The following MCTP1 variants were observed in gnomAD, a reference collection of about 807,000 sequenced individuals.
MCTP1 encodes the protein multiple C2 and transmembrane domain containing 1, also known as multiple C2 and transmembrane domain-containing protein 1.
A neutral mutation model predicts 120.6 loss-of-function variants in MCTP1; 69 were observed. That is an observed-to-expected ratio of 0.57 (90% CI 0.47 to 0.70). The LOEUF is 0.70. MCTP1 is among the 30% of genes least tolerant of loss of function. The pLI, the probability that MCTP1 is intolerant of heterozygous loss-of-function variation, is 0.00. For missense variants in MCTP1, 1,203 were observed against 1,248.8 expected, an observed-to-expected ratio of 0.96 and a Z score of 0.55; for synonymous variants, 529 against 493.1, an observed-to-expected ratio of 1.07 and a Z score of -0.96.
At chr5:95,114,562 C>T (rs1757682810) in intron 1 of MCTP1, among the ~76,000 whole-genome samples, 2 of 152,228 alleles carry the variant, frequency 1.3e-5, no homozygotes, top group South Asian at 4.1e-4. Context: ...GGTGAGGCTC[C>T]TCTGCCTGTG....
chr5:95,069,705 T>TC (rs1751633175), intron 1 of MCTP1, among the ~76,000 whole-genome samples: 1 of 150,818 alleles, frequency 6.6e-6, no homozygotes, highest in Non-Finnish European at 1.5e-5. Flanking sequence ...CTGCCCTTTT[T>TC]TTTTTTTTTT....
chr5:94,803,816 A>G (rs1330048016), intron 17 of MCTP1, among the ~76,000 whole-genome samples: 1 of 152,220 alleles, frequency 6.6e-6, no homozygotes, highest in Non-Finnish European at 1.5e-5. Context: ...GACTGAGTAC[A>G]GTGATGACCC....
chr5:95,256,687 C>G (rs1243292932), intron 1 of MCTP1, among the ~76,000 whole-genome samples: 1 of 152,126 alleles, frequency 6.6e-6, no homozygotes, highest in Non-Finnish European at 1.5e-5. Flanking sequence ...GTTTTTCTGA[C>G]TAGACTCTGC....
rs1345233519 is a variant in MCTP1 at position 94,947,148 on chromosome 5, C to T, written c.982-4721G>A. Among the ~76,000 whole-genome samples, 6 of 152,124 alleles carry T rather than the reference C, an allele frequency of 3.9e-5. No homozygotes were observed. In the South Asian group the frequency reaches 1.0e-3, roughly 26 times the overall value. On this transcript the variant is annotated intron_variant, in intron 3 of 22. Transcript: ENST00000515393. Reference sequence around the variant, plus strand: ...GTCTACAAACTGAAAATAGCTCTATCTCCTCCCTGTGATACCGTACTCTGA... The same window carrying T: ...GTCTACAAACTGAAAATAGCTCTATTTCCTCCCTGTGATACCGTACTCTGA...
intron 19 of MCTP1, among the ~76,000 whole-genome samples, chr5:94,737,454 C>A (rs1476800202): frequency 6.6e-6 from 1 of 152,098 alleles, no homozygotes; most frequent in African/African-American, 2.4e-5. Context: ...ACCAAAAATT[C>A]TTGTCACTGT....
Position 94,715,481 on chromosome 5 carries a change from G to A in MCTP1, c.2611-595C>T, listed in dbSNP as rs1017081558. Among the ~76,000 whole-genome samples, 6 of 150,986 alleles carry A rather than the reference G, an allele frequency of 4.0e-5. 1 individual carries two copies. Among genetic ancestry groups the A allele is most frequent in the African/African-American group, 1.5e-4 (6 of 40,988 alleles). ...CCACCTTCTTAAAAATAATAGTCTA[G>A]TCATATATTTTATACGGTAGTATAT... On this transcript the variant is annotated intron_variant, in intron 19 of 22. Transcript: ENST00000515393.
chr5:94,837,376 G>A (rs1204450080), intron 17 of MCTP1, among the ~76,000 whole-genome samples: 1 of 152,096 alleles, frequency 6.6e-6, no homozygotes, highest in Non-Finnish European at 1.5e-5. Flanking sequence ...GTGACACCCT[G>A]TCTCAAACAA....
At chr5:95,228,435 G>C (rs758754378) in intron 1 of MCTP1, among the ~76,000 whole-genome samples, 4 of 150,284 alleles carry the variant, frequency 2.7e-5, no homozygotes, top group Non-Finnish European at 4.4e-5. Flanking sequence ...AAGAGAGTTT[G>C]GGCCAAAAAC....
intron 1 of MCTP1, among the ~76,000 whole-genome samples, chr5:95,247,336 A>C (rs1756909526): frequency 6.6e-6 from 1 of 152,126 alleles, no homozygotes; most frequent in Non-Finnish European, 1.5e-5. Context: ...TCTTTTCAAA[A>C]AACCAGCTCC....
At chr5:94,846,491 G>T (rs1195085797) in intron 17 of MCTP1, among the ~76,000 whole-genome samples, 1 of 152,042 alleles carries the variant, frequency 6.6e-6, no homozygotes, top group Admixed American at 6.6e-5. Context: ...ACACACACTG[G>T]GGCCTATGTG....
chr5:94,769,269 C>T (rs962265621), intron 19 of MCTP1, among the ~76,000 whole-genome samples: 6 of 152,032 alleles, frequency 3.9e-5, no homozygotes, highest in African/African-American at 1.4e-4. Context: ...TTAATGGAAA[C>T]AAACATACAA....
rs191948611 is a variant in MCTP1, at chr5:94,963,957, T to G, written c.839-10596A>C. On this transcript the variant is annotated intron_variant, in intron 2 of 22. Transcript: ENST00000515393. The stretch of plus-strand genomic sequence containing the variant: ...GTTTTTCATTTTCAGGTCTTACGTT[T>G]AAGTCTTTAATCTATTTTGAATTGA... Among the ~76,000 whole-genome samples the G allele has an allele frequency of 2.8e-3, 428 of 152,330 alleles. 3 individuals carry two copies. The highest frequency in any genetic ancestry group is 4.9e-3 in the Non-Finnish European group (333 of 68,024).
At chr5:94,867,198 G>C in intron 17 of MCTP1, 1 of 1,373,210 alleles carries the variant, frequency 7.3e-7, no homozygotes, top group East Asian at 2.6e-5. Flanking sequence ...AGAATACTGA[G>C]AGAGACAGAG....
chr5:94,893,263 C>T (rs114632267), intron 11 of MCTP1, among the ~76,000 whole-genome samples: 2,313 of 152,148 alleles, frequency 0.015, 25 homozygotes, highest in Non-Finnish European at 0.024. Flanking sequence ...CCTTAATATA[C>T]GGGATAATAT....
intron 17 of MCTP1, among the ~76,000 whole-genome samples, chr5:94,862,837 AT>A (rs1796077104): frequency 6.6e-6 from 1 of 151,834 alleles, no homozygotes; most frequent in Non-Finnish European, 1.5e-5. Context: ...TTGAGTAGCA[AT>A]TTGATGTACT....
intron 1 of MCTP1, among the ~76,000 whole-genome samples, chr5:95,059,592 CAGGT>C (rs1451311593): frequency 1.3e-5 from 2 of 151,784 alleles, no homozygotes; most frequent in African/African-American, 4.8e-5. Flanking sequence ...GAAGGAAAAA[CAGGT>C]CAAATACAAA....
intron 1 of MCTP1, among the ~76,000 whole-genome samples, chr5:95,235,578 G>T (rs1562264218): frequency 6.6e-6 from 1 of 152,020 alleles, no homozygotes; most frequent in Non-Finnish European, 1.5e-5. Context: ...TGCACATCAT[G>T]AATGTATACG....
chr5:94,935,374 G>A (rs896298240), intron 5 of MCTP1, among the ~76,000 whole-genome samples: 4 of 151,824 alleles, frequency 2.6e-5, no homozygotes, highest in African/African-American at 4.8e-5. Context: ...TTCATGGAAC[G>A]TATTGTTACT....
chr5:94,824,104 G>C (rs929960670), intron 17 of MCTP1, among the ~76,000 whole-genome samples: 3 of 152,202 alleles, frequency 2.0e-5, no homozygotes, highest in Non-Finnish European at 4.4e-5. Context: ...GGTGAGAGAG[G>C]GCATCCTTGT....
Sources: allele counts gnomAD v4.1 joint callset (sites outside exome capture counted in the v4.1 genomes callset), GRCh38; gene constraint gnomAD v4.1.1; transcripts MANE v1.5; gene names NCBI Gene and HGNC (gene_info 2026-07-23, HGNC 2026-07-21).